GREB1: variants seen among roughly 807,000 people sequenced by gnomAD.
The protein encoded by GREB1 is growth regulating estrogen receptor binding 1, also known as protein GREB1.
A neutral mutation model predicts 200.7 loss-of-function variants in GREB1; 106 were observed. The ratio of observed to expected loss-of-function variants is 0.53; its 90% CI spans 0.45 to 0.62. GREB1 has a LOEUF of 0.62. GREB1 is among the 20% of genes least tolerant of loss of function. The pLI is 0.00. For missense variants in GREB1, 2,243 were observed against 2,556.8 expected (o/e 0.88, Z 2.65); for synonymous variants, 1,132 against 1,092.4 (o/e 1.04, Z -0.72).
intron 11 of GREB1, 46 bp from the exon 12 acceptor site, chr2:11,595,205 A>G: frequency 6.4e-7 from 1 of 1,567,524 alleles, no homozygotes. Context: ...ACAGCCCGTA[A>G]GCAGGGAAGA....
intron 1 of GREB1, among the ~76,000 whole-genome samples, chr2:11,495,753 G>A (rs749777194): frequency 6.6e-6 from 1 of 151,262 alleles, no homozygotes; most frequent in Admixed American, 6.6e-5. Flanking sequence ...CCTAGCCTCC[G>A]CCTATACTAG....
chr2:11,508,786 T>C (rs1673255545), intron 1 of GREB1, among the ~76,000 whole-genome samples: 1 of 152,160 alleles, frequency 6.6e-6, no homozygotes, highest in Admixed American at 6.5e-5. Context: ...ATTATTGCCA[T>C]TGCCTACCCA....
Position 11,490,336 on chromosome 2 carries a change from T to C in GREB1, c.-159+7955T>C, listed in dbSNP as rs564476930. On this transcript the variant is annotated intron_variant, in intron 1 of 2. Transcript: ENST00000628795. ...TGTGGACTTTTGTGTCGAGCTTCTT[T>C]TACTCGGCATGTGTTTTCAAGGTTT... is the stretch of plus-strand genomic sequence containing the variant. Among the ~76,000 whole-genome samples the C allele has an allele frequency of 2.7e-3, 411 of 152,356 alleles. 4 individuals carry two copies. Among genetic ancestry groups the C allele is most frequent in the African/African-American group, 9.5e-3 (394 of 41,574 alleles).
chr2:11,626,956 G>A lies in GREB1; in HGVS notation c.4307-6G>A, dbSNP rs763109866. 1 of 1,613,990 alleles carries A rather than the reference G, an allele frequency of 6.2e-7. No individual in the cohort carries two copies. The highest frequency in any genetic ancestry group is 8.5e-7 in the Non-Finnish European group (1 of 1,179,976). On this transcript the variant is annotated splice_region_variant and splice_polypyrimidine_tract_variant and intron_variant, in intron 24 of 32. Transcript: ENST00000381486. ...CTGCTTTTTAATCCTGGGGAATTTG[G>A]TGCAGACAGAGGGATGTCCCGGAAG...
At chr2:11,601,089 G>A in intron 16 of GREB1, 94 bp downstream of exon 16, 1 of 984,728 alleles carries the variant, frequency 1.0e-6, no homozygotes, top group Non-Finnish European at 1.5e-6. Flanking sequence ...GTGTGGTTGA[G>A]GATAATGGGT....
chr2:11,565,969 G>A (rs1409830931), intron 3 of GREB1, among the ~76,000 whole-genome samples: 2 of 151,982 alleles, frequency 1.3e-5, no homozygotes, highest in Non-Finnish European at 2.9e-5. Flanking sequence ...GCATCACATG[G>A]TGGCACCGAT....
chr2:11,604,037 C>A (rs528643861), intron 17 of GREB1, among the ~76,000 whole-genome samples: 1 of 152,204 alleles, frequency 6.6e-6, no homozygotes, highest in Non-Finnish European at 1.5e-5. Flanking sequence ...GCCACATTGA[C>A]CAAAGTCTCA....
At chr2:11,607,625 T>TATATAC (rs10659260) in intron 17 of GREB1, among the ~76,000 whole-genome samples, 120,767 of 137,676 alleles carry the variant, frequency 0.88, 53,971 homozygotes, top group Non-Finnish European at 0.95. Context: ...TATATGCATA[T>TATATAC]ATATACATAT....
At chr2:11,562,734 C>T (rs1677204203) in intron 3 of GREB1, 152 bp downstream of exon 3, 2 of 889,310 alleles carry the variant, frequency 2.2e-6, no homozygotes, top group Non-Finnish European at 3.3e-6. Context: ...TGCCCCTGGG[C>T]CCGCAGCAGG....
intron 1 of GREB1, among the ~76,000 whole-genome samples, chr2:11,496,747 T>C (rs1672900708): frequency 6.6e-6 from 1 of 152,200 alleles, no homozygotes; most frequent in Admixed American, 6.5e-5. Flanking sequence ...ATACTCAGTT[T>C]CTCCCAATGA....
chr2:11,635,158 C>A, intron 29 of GREB1, 112 bp from the exon 30 acceptor site: 1 of 1,285,506 alleles, frequency 7.8e-7, no homozygotes, highest in South Asian at 1.4e-5. Context: ...ATGAAGCCCA[C>A]TCCACCTTCA....
chr2:11,537,112 G>A (rs564199037), intron 1 of GREB1, among the ~76,000 whole-genome samples: 84 of 152,026 alleles, frequency 5.5e-4, no homozygotes, highest in Non-Finnish European at 1.1e-3. Context: ...ACAGGCACCC[G>A]CCACCGCGCC....
chr2:11,635,383 G>A lies in GREB1; in HGVS notation c.5324G>A (p.Arg1775Lys). 6.2e-7 allele frequency: 1 copy of A among 1,612,408 alleles called. No homozygotes were observed. Among genetic ancestry groups the A allele is most frequent in the Non-Finnish European group, 8.5e-7 (1 of 1,179,210 alleles). Residue 1775 changes from arginine (R) to lysine (K), a missense_variant, in exon 30 of 33, where the codon AGG (arginine) becomes AAG (lysine). Physicochemically the swap from Arg to Lys is conservative, Grantham distance 26 (BLOSUM62 2). This residue lies in a region of GREB1 where 478 missense variants were observed against 616.3 expected (regional missense o/e 0.78). Transcript: ENST00000381486. ...MKKQIVVGGH[R>K]SFHITSKVSD... ...AAGCAGATCGTGGTGGGCGGCCACA[G>A]GTCCTTCCACATCACATCCAAGGTG...
At chr2:11,621,277 C>A (rs1005973976) in intron 23 of GREB1, among the ~76,000 whole-genome samples, 6 of 152,162 alleles carry the variant, frequency 3.9e-5, no homozygotes, top group Non-Finnish European at 7.4e-5. Context: ...GCACAAGTTA[C>A]CATGTCAATT....
Position 11,610,796 on chromosome 2 carries a change from G to A in GREB1, c.2775G>A (p.Ser925=), listed in dbSNP as rs774354038. ...SGLPQMKNYT[S]VETLEITQNL... is the part of the protein sequence containing the mutation. ...TCCCGCAGATGAAGAACTACACGTC[G>A]GTGGAGACGCTGGAGATCACGCAGA... Residue 925 remains serine, a synonymous_variant, in exon 18 of 33, where the codon TCG becomes TCA. Transcript: ENST00000381486. 1.8e-5 allele frequency: 29 copies of A among 1,613,554 alleles called. No individual in the cohort carries two copies. The highest frequency in any genetic ancestry group is 1.6e-4 in the Middle Eastern group (1 of 6,062).
upstream of GREB1, among the ~76,000 whole-genome samples, chr2:11,530,225 C>A (rs1374278995): frequency 4.6e-5 from 7 of 151,932 alleles, no homozygotes; most frequent in African/African-American, 1.5e-4. Context: ...CCACACCCAG[C>A]TAATTTTTGC....
intron 3 of GREB1, among the ~76,000 whole-genome samples, chr2:11,565,887 CTTGT>C (rs148237810): frequency 0.047 from 7,177 of 152,236 alleles, 219 homozygotes; most frequent in Middle Eastern, 0.078. Context: ...GTGGATTTAT[CTTGT>C]TTATGTTTCC....
At chr2:11,558,277 G>A (rs990311133) in intron 2 of GREB1, among the ~76,000 whole-genome samples, 1 of 152,214 alleles carries the variant, frequency 6.6e-6, no homozygotes, top group African/African-American at 2.4e-5. Flanking sequence ...AGCCCTTTGA[G>A]GATTCCAAAT....
chr2:11,635,160 C>T, intron 29 of GREB1, 110 bp from the exon 30 acceptor site: 1 of 1,297,470 alleles, frequency 7.7e-7, no homozygotes, highest in Non-Finnish European at 1.1e-6. Flanking sequence ...GAAGCCCACT[C>T]CACCTTCATA....
Sources: gnomAD v4.1 joint callset for allele counts (sites outside exome capture counted in the v4.1 genomes callset) on GRCh38, gnomAD v4.1.1 for gene constraint, gnomAD v4.1.1 regional missense constraint, MANE v1.5 for transcripts, NCBI Gene and HGNC (gene_info 2026-07-23, HGNC 2026-07-21) for gene names.